RASEF: variants seen among roughly 807,000 people sequenced by gnomAD.
RASEF encodes the protein ras and EF-hand domain-containing protein.
A neutral mutation model predicts 90.1 loss-of-function variants in RASEF; 68 were observed. That is an observed-to-expected ratio of 0.75 (90% CI 0.62 to 0.92). RASEF has a LOEUF of 0.92. Ranked by LOEUF, RASEF falls within the 40% of genes least tolerant of loss-of-function variation. The pLI, the probability that RASEF is intolerant of heterozygous loss-of-function variation, is 0.00. For missense variants in RASEF, 949 were observed against 937.2 expected, an observed-to-expected ratio of 1.01 and a Z score of -0.16; for synonymous variants, 331 against 345.2, an observed-to-expected ratio of 0.96 and a Z score of 0.46.
chr9:83,007,504 C>T lies in RASEF; in HGVS notation c.961G>A (p.Asp321Asn). 6.2e-7 allele frequency: 1 copy of T among 1,611,172 alleles called. No individual in the cohort carries two copies. Among genetic ancestry groups the T allele is most frequent in the Non-Finnish European group, 8.5e-7 (1 of 1,177,392 alleles). Residue 321 changes from aspartate to asparagine, a missense_variant and splice_region_variant, in exon 7 of 17, where the codon GAT becomes AAT. Physicochemically the swap from Asp to Asn is conservative, Grantham distance 23. Coordinates refer to ENST00000376447, the MANE Select transcript of RASEF (RefSeq NM_152573.4). The part of the protein sequence containing the change: ...YADQSLNTER[D>N]LEIIRAYTED... ...GTGTATGCTCGGATTATTTCCAGAT[C>T]CCTGTAAAATTGTATTTTATGTTTG...
the RASEF span, among the ~76,000 whole-genome samples, chr9:83,152,841 A>C: frequency 6.6e-6 from 1 of 152,190 alleles, no homozygotes; most frequent in South Asian, 2.1e-4. Context: ...TGCCAACTGT[A>C]ACCGAGAGAT....
At chr9:83,184,866 A>G in the RASEF span, among the ~76,000 whole-genome samples, 1 of 152,214 alleles carries the variant, frequency 6.6e-6, no homozygotes, top group African/African-American at 2.4e-5. Flanking sequence ...TTACTAATAT[A>G]TAATCAGCAA....
At position 83,060,033 on chromosome 9, in the gene RASEF, A is replaced by G. The variant is rs151230341; in HGVS notation, c.431+2404T>C. Among the ~76,000 whole-genome samples, 660 of 152,284 alleles carry G rather than the reference A, an allele frequency of 4.3e-3. 7 individuals carry two copies. Among genetic ancestry groups the G allele is most frequent in the African/African-American group, 0.015 (608 of 41,558 alleles). Reference sequence around the variant, plus strand: ...TTGCTTGAAAGATTCTTTAAATGAAAATCAACAGTGTCATGCTTTGCCTTT... The same window carrying G: ...TTGCTTGAAAGATTCTTTAAATGAAGATCAACAGTGTCATGCTTTGCCTTT... On this transcript the variant is annotated intron_variant, in intron 1 of 16. Transcript: ENST00000376447.
the RASEF span, among the ~76,000 whole-genome samples, chr9:83,111,834 A>C: frequency 6.6e-6 from 1 of 152,092 alleles, no homozygotes; most frequent in Non-Finnish European, 1.5e-5. Flanking sequence ...AGCATAAAGG[A>C]GATTAATAAA....
chr9:83,094,025 G>T, the RASEF span, among the ~76,000 whole-genome samples: 1 of 151,500 alleles, frequency 6.6e-6, no homozygotes, highest in Non-Finnish European at 1.5e-5. Context: ...TTGATATATG[G>T]GTCATCTATT....
At chr9:83,145,619 C>T in the RASEF span, among the ~76,000 whole-genome samples, 6 of 151,650 alleles carry the variant, frequency 4.0e-5, no homozygotes, top group African/African-American at 1.5e-4. Context: ...ATAATAGTTC[C>T]AAGGAAGATT....
At chr9:83,067,554 C>G (rs1038451489), upstream of RASEF, among the ~76,000 whole-genome samples, 10 of 152,162 alleles carry the variant, frequency 6.6e-5, no homozygotes, top group Non-Finnish European at 1.2e-4. Flanking sequence ...TCCCCTTTGA[C>G]TGCATATTGT....
At chr9:83,129,293 G>A in the RASEF span, among the ~76,000 whole-genome samples, 9 of 151,932 alleles carry the variant, frequency 5.9e-5, no homozygotes, top group Non-Finnish European at 1.0e-4. Context: ...TGTGGTCCCA[G>A]CCACTTGGGA....
the RASEF span, among the ~76,000 whole-genome samples, chr9:83,131,806 A>G: frequency 6.6e-6 from 1 of 152,298 alleles, no homozygotes. Flanking sequence ...CTTTTAATAT[A>G]GTCAGCCCAA....
chr9:83,090,567 C>T, the RASEF span, among the ~76,000 whole-genome samples: 1 of 152,068 alleles, frequency 6.6e-6, no homozygotes, highest in Non-Finnish European at 1.5e-5. Context: ...CCACACCTGG[C>T]TAATTTTTGT....
At chr9:83,066,561 G>A (rs1389966017), upstream of RASEF, among the ~76,000 whole-genome samples, 1 of 152,208 alleles carries the variant, frequency 6.6e-6, no homozygotes, top group East Asian at 1.9e-4. Context: ...AGATAACAGA[G>A]CAGGCTTTGA....
chr9:83,207,621 T>C, the RASEF span, among the ~76,000 whole-genome samples: 4 of 84,302 alleles, frequency 4.7e-5, no homozygotes, highest in African/African-American at 1.9e-4. Flanking sequence ...TTTTTTTTTT[T>C]TGAGACGGAG....
chr9:83,190,494 G>A, the RASEF span, among the ~76,000 whole-genome samples: 1 of 150,890 alleles, frequency 6.6e-6, no homozygotes, highest in Non-Finnish European at 1.5e-5. Context: ...TCGAGTCTTT[G>A]AGGATTCAGG....
intron 1 of RASEF, chr9:83,048,722 T>C: frequency 1.0e-6 from 1 of 985,242 alleles, no homozygotes. Context: ...ACAGAGGAGA[T>C]AAATACACAT....
At chr9:83,103,029 C>T in the RASEF span, among the ~76,000 whole-genome samples, 1 of 152,200 alleles carries the variant, frequency 6.6e-6, no homozygotes, top group African/African-American at 2.4e-5. Context: ...CCACTTCCCT[C>T]TGGCCCTCCT....
the RASEF span, among the ~76,000 whole-genome samples, chr9:83,148,209 G>GT: frequency 6.6e-6 from 1 of 152,000 alleles, no homozygotes; most frequent in African/African-American, 2.4e-5. Context: ...ATCATAAAGT[G>GT]TTTTTTACCT....
the RASEF span, among the ~76,000 whole-genome samples, chr9:83,122,181 G>A: frequency 6.6e-5 from 10 of 152,276 alleles, no homozygotes; most frequent in South Asian, 2.1e-4. Flanking sequence ...ACCAGCTCAC[G>A]TCCACTACTG....
At chr9:83,183,674 G>A in the RASEF span, among the ~76,000 whole-genome samples, 1 of 152,302 alleles carries the variant, frequency 6.6e-6, no homozygotes, top group East Asian at 1.9e-4. Flanking sequence ...AAAGCGGTCA[G>A]GGCATTTGTA....
At chr9:83,164,602 G>GGAAAAAA in the RASEF span, among the ~76,000 whole-genome samples, 1 of 143,850 alleles carries the variant, frequency 7.0e-6, no homozygotes, top group Admixed American at 6.9e-5. Context: ...AATCAAATTA[G>GGAAAAAA]AACCACCAAG....
Sources: gnomAD v4.1 joint callset for allele counts (sites outside exome capture counted in the v4.1 genomes callset) on GRCh38, gnomAD v4.1.1 for gene constraint, MANE v1.5 for transcripts, NCBI Gene and HGNC (gene_info 2026-07-23, HGNC 2026-07-21) for gene names.